Variants in QTGAL observed in about 807,000 individuals in gnomAD.
QTGAL encodes the protein queuosine-tRNA galactosyltransferase.
At chr17:83,048,621 C>G in the QTGAL span, 4 of 1,605,254 alleles carry the variant, frequency 2.5e-6, no homozygotes, top group Admixed American at 3.3e-5. Context: ...AACAGTCAAC[C>G]GTTGCTTACA....
the QTGAL span, among the ~76,000 whole-genome samples, chr17:82,994,324 C>G: frequency 6.6e-6 from 1 of 151,938 alleles, no homozygotes; most frequent in Non-Finnish European, 1.5e-5. Flanking sequence ...ACAACTGATA[C>G]TGGAGAAATT....
the QTGAL span, among the ~76,000 whole-genome samples, chr17:82,986,045 C>T: frequency 6.6e-6 from 1 of 152,168 alleles, no homozygotes; most frequent in African/African-American, 2.4e-5. Flanking sequence ...CTTCAGGAGC[C>T]CTGCTCAGAA....
the QTGAL span, among the ~76,000 whole-genome samples, chr17:82,970,648 T>TGGCCGCGACCTCCGCACCCGGC: frequency 6.0e-4 from 20 of 33,532 alleles, 2 homozygotes; most frequent in African/African-American, 2.0e-3. Flanking sequence ...CCGCACCCGG[T>TGGCCGCGACCTCCGCACCCGGC]GTGGCCGCGA....
chr17:83,037,976 G>A, the QTGAL span, among the ~76,000 whole-genome samples: 10 of 152,140 alleles, frequency 6.6e-5, no homozygotes, highest in Non-Finnish European at 1.3e-4. The surrounding 1 kb of genome is among the most constrained non-coding windows in gnomAD (Gnocchi z 5.2). Context: ...ACACGGCGGC[G>A]AGATATTAAC....
chr17:82,984,310 G>C, the QTGAL span, among the ~76,000 whole-genome samples: 6 of 115,352 alleles, frequency 5.2e-5, no homozygotes, highest in African/African-American at 2.0e-4. Flanking sequence ...GGCCATGTGA[G>C]GATGTGGGGG....
the QTGAL span, chr17:83,035,075 A>G: frequency 5.6e-6 from 9 of 1,612,840 alleles, no homozygotes; most frequent in Admixed American, 1.7e-5. Context: ...GCTCTGGGCA[A>G]CTGCTTGATT....
At chr17:82,962,144 C>G in the QTGAL span, among the ~76,000 whole-genome samples, 10 of 152,314 alleles carry the variant, frequency 6.6e-5, no homozygotes, top group African/African-American at 1.9e-4. Context: ...CTCTCCTTGG[C>G]TGGTACACAA....
chr17:82,959,497 C>T, the QTGAL span, among the ~76,000 whole-genome samples: 1 of 151,930 alleles, frequency 6.6e-6, no homozygotes, highest in Non-Finnish European at 1.5e-5. Context: ...TGGGTGAGGA[C>T]AGCTCCTGCA....
chr17:82,943,800 G>T, the QTGAL span: 1 of 152,236 alleles, frequency 6.6e-6, no homozygotes, highest in Non-Finnish European at 1.5e-5. Context: ...ATTTTTACGA[G>T]ATTTAAATAT....
the QTGAL span, among the ~76,000 whole-genome samples, chr17:83,043,374 G>GA: frequency 6.6e-6 from 1 of 152,250 alleles, no homozygotes; most frequent in Admixed American, 6.5e-5. Flanking sequence ...AAGTAAAACT[G>GA]AAAAATTCAT....
chr17:83,024,888 C>T, the QTGAL span, among the ~76,000 whole-genome samples: 1 of 152,220 alleles, frequency 6.6e-6, no homozygotes, highest in Non-Finnish European at 1.5e-5. Context: ...ACACATCGGC[C>T]GGCACAGAGG....
the QTGAL span, chr17:82,942,266 G>T: frequency 1.3e-6 from 1 of 750,690 alleles, no homozygotes; most frequent in Non-Finnish European, 2.2e-6. Flanking sequence ...CCGAGGACAC[G>T]TTAGTCATGA....
the QTGAL span, among the ~76,000 whole-genome samples, chr17:83,034,733 G>A: frequency 6.6e-6 from 1 of 152,150 alleles, no homozygotes; most frequent in East Asian, 1.9e-4. Flanking sequence ...AGAGCTGATG[G>A]ACTTCAAGGG....
At chr17:82,955,019 C>A in the QTGAL span, among the ~76,000 whole-genome samples, 1 of 152,180 alleles carries the variant, frequency 6.6e-6, no homozygotes, top group African/African-American at 2.4e-5. Context: ...ACCATAAATA[C>A]CCTACATGAA....
chr17:83,035,182 CTTTT>C, the QTGAL span: 13 of 938,194 alleles, frequency 1.4e-5, no homozygotes, highest in African/African-American at 1.8e-5. Context: ...ATATGATATT[CTTTT>C]TTTTTTTTTC....
chr17:82,984,289 C>T, the QTGAL span, among the ~76,000 whole-genome samples: 251 of 117,328 alleles, frequency 2.1e-3, 59 homozygotes, highest in African/African-American at 8.3e-3. Context: ...CACGTGAGCA[C>T]ACGGGGGAGA....
chr17:82,942,627 C>A, the QTGAL span: 2 of 844,754 alleles, frequency 2.4e-6, no homozygotes, highest in Admixed American at 2.5e-5. Context: ...TCTGCACCTG[C>A]GCTCTGGTGA....
At chr17:82,979,073 C>A in the QTGAL span, among the ~76,000 whole-genome samples, 1 of 151,832 alleles carries the variant, frequency 6.6e-6, no homozygotes, top group Admixed American at 6.6e-5. Flanking sequence ...AGAAAAACCA[C>A]AAAGGAAGAG....
chr17:82,980,099 T>C, the QTGAL span, among the ~76,000 whole-genome samples: 3 of 152,188 alleles, frequency 2.0e-5, no homozygotes, highest in African/African-American at 7.2e-5. Flanking sequence ...AAATGTAAAA[T>C]GTAAAACTAT....
Sources: gnomAD v4.1 joint callset for allele counts (sites outside exome capture counted in the v4.1 genomes callset) on GRCh38, gnomAD v4.1.1 for gene constraint, Gnocchi (gnomAD v3.1) non-coding constraint, MANE v1.5 for transcripts, NCBI Gene and HGNC (gene_info 2026-07-23, HGNC 2026-07-21) for gene names.